The following ROBO2 variants were observed in gnomAD, a reference collection of about 807,000 sequenced individuals.
The protein encoded by ROBO2 is roundabout homolog 2.
A neutral mutation model predicts 160.8 loss-of-function variants in ROBO2; 53 were observed. The observed-to-expected ratio is 0.33, with a 90% CI of 0.26 to 0.41. The LOEUF is 0.41. Ranked by LOEUF, ROBO2 falls within the 10% of genes least tolerant of loss-of-function variation. The pLI, the probability that ROBO2 is intolerant of heterozygous loss-of-function variation, is 1.00. For missense variants in ROBO2, 1,577 were observed against 1,722.4 expected (o/e 0.92, Z 1.49); for synonymous variants, 664 against 611.7 (o/e 1.09, Z -1.26).
intron 2 of ROBO2, among the ~76,000 whole-genome samples, chr3:77,336,541 G>A (rs1209333575): frequency 1.3e-5 from 2 of 148,356 alleles, no homozygotes; most frequent in African/African-American, 5.0e-5. Flanking sequence ...GCTTATAAAT[G>A]AAGGATGATC....
chr3:77,103,200 A>G (rs1408436463), intron 2 of ROBO2, among the ~76,000 whole-genome samples: 3 of 152,190 alleles, frequency 2.0e-5, no homozygotes, highest in Non-Finnish European at 4.4e-5. Context: ...CAAATAGATG[A>G]CAGCAGCTTG....
chr3:76,607,733 G>GTAA (rs1207871183), intron 2 of ROBO2, among the ~76,000 whole-genome samples: 1 of 152,130 alleles, frequency 6.6e-6, no homozygotes, highest in Non-Finnish European at 1.5e-5. Context: ...GCTAGAATTG[G>GTAA]TAAAAGACAT....
At chr3:77,034,387 A>G (rs2149572784) in intron 2 of ROBO2, among the ~76,000 whole-genome samples, 1 of 151,416 alleles carries the variant, frequency 6.6e-6, no homozygotes. Flanking sequence ...TTAAAAAAAA[A>G]AAAAAAAAGA....
intron 2 of ROBO2, among the ~76,000 whole-genome samples, chr3:76,942,163 A>T (rs1225702331): frequency 6.6e-6 from 1 of 152,178 alleles, no homozygotes; most frequent in East Asian, 1.9e-4. Context: ...GAAATGGGAG[A>T]TTTAAACTGT....
At chr3:76,504,824 A>G (rs1336581956) in intron 2 of ROBO2, among the ~76,000 whole-genome samples, 1 of 152,106 alleles carries the variant, frequency 6.6e-6, no homozygotes, top group East Asian at 1.9e-4. Flanking sequence ...CACCGCACCC[A>G]GCCGAAAATA....
intron 2 of ROBO2, among the ~76,000 whole-genome samples, chr3:76,698,239 TG>T (rs1242781741): frequency 1.3e-5 from 2 of 152,230 alleles, no homozygotes; most frequent in African/African-American, 4.8e-5. Flanking sequence ...GAAGCATTCC[TG>T]GGCGATGGGC....
chr3:77,333,623 T>G (rs2066195914), intron 2 of ROBO2, among the ~76,000 whole-genome samples: 1 of 152,204 alleles, frequency 6.6e-6, no homozygotes, highest in Non-Finnish European at 1.5e-5. Context: ...TTCTCATATG[T>G]CTGCAGCCTA....
At chr3:75,968,073 C>T (rs1009895667) in intron 2 of ROBO2, among the ~76,000 whole-genome samples, 3 of 151,372 alleles carry the variant, frequency 2.0e-5, no homozygotes, top group East Asian at 2.0e-4. Flanking sequence ...ACGTTATTTT[C>T]GAAAATGGTT....
chr3:76,023,570 C>T (rs2066640034), intron 2 of ROBO2, among the ~76,000 whole-genome samples: 1 of 151,558 alleles, frequency 6.6e-6, no homozygotes, highest in Non-Finnish European at 1.5e-5. Context: ...TAATTAAGTT[C>T]ACTATCTTAT....
At chr3:77,549,374 TTTTAGCTCG>T (rs1340111655) in intron 7 of ROBO2, among the ~76,000 whole-genome samples, 1 of 152,044 alleles carries the variant, frequency 6.6e-6, no homozygotes, top group African/African-American at 2.4e-5. Flanking sequence ...AGACTCTCTC[TTTTAGCTCG>T]TTTATTTTGA....
intron 2 of ROBO2, among the ~76,000 whole-genome samples, chr3:76,192,494 A>T (rs1201715832): frequency 1.3e-5 from 2 of 149,762 alleles, no homozygotes; most frequent in African/African-American, 4.9e-5. Flanking sequence ...AATCTTCAGG[A>T]ATTCTCTAAA....
intron 17 of ROBO2, among the ~76,000 whole-genome samples, chr3:77,592,805 G>A (rs2094211303): frequency 6.6e-6 from 1 of 152,114 alleles, no homozygotes; most frequent in Admixed American, 6.5e-5. Flanking sequence ...CCCCTCCTTG[G>A]CCTCCCAAAG....
At chr3:77,646,276 A>G in exon 26 of ROBO2, 1 of 409,556 alleles carries the variant, frequency 2.4e-6, no homozygotes, top group Non-Finnish European at 4.5e-6. Flanking sequence ...TCAGGAGTAT[A>G]TAAAAAAGAA....
chr3:76,840,733 C>A (rs1413335734), intron 2 of ROBO2, among the ~76,000 whole-genome samples: 1 of 147,750 alleles, frequency 6.8e-6, no homozygotes, highest in African/African-American at 2.5e-5. Flanking sequence ...AACCAAAATT[C>A]TTTGATTAAA....
intron 12 of ROBO2, among the ~76,000 whole-genome samples, chr3:77,565,633 GTGTT>G (rs1378022250): frequency 2.6e-5 from 4 of 152,024 alleles, no homozygotes; most frequent in African/African-American, 9.7e-5. Context: ...TTGGGGCCCA[GTGTT>G]TGTTTTAACA....
chr3:76,264,800 C>T (rs528905992), intron 2 of ROBO2, among the ~76,000 whole-genome samples: 1 of 152,166 alleles, frequency 6.6e-6, no homozygotes, highest in African/African-American at 2.4e-5. Context: ...TTCTCAGGGC[C>T]TCAGGAATGA....
intron 1 of ROBO2, among the ~76,000 whole-genome samples, chr3:77,052,443 TC>T (rs753372976): frequency 2.0e-5 from 3 of 152,276 alleles, no homozygotes; most frequent in Non-Finnish European, 4.4e-5. Context: ...ATAGCATCAG[TC>T]AGCTGCCTTT....
chr3:76,178,219 A>G (rs1281043807), intron 2 of ROBO2, among the ~76,000 whole-genome samples: 1 of 152,176 alleles, frequency 6.6e-6, no homozygotes, highest in Admixed American at 6.6e-5. Flanking sequence ...TCTGACTTTG[A>G]TGATGATATT....
chr3:77,534,292 C>T (rs2091947135), intron 6 of ROBO2, among the ~76,000 whole-genome samples: 1 of 151,724 alleles, frequency 6.6e-6, no homozygotes, highest in African/African-American at 2.4e-5. Flanking sequence ...TTTTTGGAGC[C>T]TATTCAAATA....
Sources: allele counts gnomAD v4.1 joint callset (sites outside exome capture counted in the v4.1 genomes callset), GRCh38; gene constraint gnomAD v4.1.1; transcripts MANE v1.5; gene names NCBI Gene and HGNC (gene_info 2026-07-23, HGNC 2026-07-21).